QSER1: variants seen among roughly 807,000 people sequenced by gnomAD.
QSER1 encodes the protein glutamine and serine rich 1.
In QSER1, 49 loss-of-function variants were observed where a neutral mutation model predicts 158.5. That is an observed-to-expected ratio of 0.31 (90% CI 0.25 to 0.39). QSER1 has a LOEUF of 0.39. Ranked by LOEUF, QSER1 falls within the 10% of genes least tolerant of loss-of-function variation. QSER1 has a pLI of 1.00. For missense variants in QSER1, 1,754 were observed against 2,010.3 expected, an observed-to-expected ratio of 0.87 and a Z score of 2.44; for synonymous variants, 650 against 715.5, an observed-to-expected ratio of 0.91 and a Z score of 1.46.
intron 1 of QSER1, among the ~76,000 whole-genome samples, chr11:32,917,332 T>A (rs1037968653): frequency 6.6e-6 from 1 of 152,160 alleles, no homozygotes; most frequent in African/African-American, 2.4e-5. Context: ...TATGTACAAG[T>A]TTTTGTGTGA....
At chr11:32,973,786 T>C (rs1852917036) in intron 11 of QSER1, among the ~76,000 whole-genome samples, 1 of 152,208 alleles carries the variant, frequency 6.6e-6, no homozygotes. Context: ...TTGACTAATA[T>C]GGAAGAAATC....
chr11:32,975,224 C>CTA (rs1178686647), intron 11 of QSER1, 24 bp from the exon 12 acceptor site: 2 of 1,483,260 alleles, frequency 1.3e-6, no homozygotes, highest in Admixed American at 2.3e-5. Flanking sequence ...TGAAATGTAT[C>CTA]TATAAACTTT....
At chr11:32,971,273 GT>G (rs1238887883) in intron 10 of QSER1, among the ~76,000 whole-genome samples, 1 of 152,088 alleles carries the variant, frequency 6.6e-6, no homozygotes, top group Non-Finnish European at 1.5e-5. Flanking sequence ...CTGATCTGAA[GT>G]AAAATATTAC....
At chr11:32,971,888 C>T (rs1261314892) in intron 10 of QSER1, among the ~76,000 whole-genome samples, 1 of 151,942 alleles carries the variant, frequency 6.6e-6, no homozygotes, top group Non-Finnish European at 1.5e-5. Flanking sequence ...ACAGAGAAAC[C>T]CCATCTCTAC....
At chr11:32,975,601 C>T (rs1227277827) in intron 12 of QSER1, 1 of 1,279,660 alleles carries the variant, frequency 7.8e-7, no homozygotes, top group Admixed American at 3.1e-5. Context: ...GCTTGCTTTA[C>T]ATCGCCATAA....
intron 3 of QSER1, among the ~76,000 whole-genome samples, chr11:32,928,512 A>C (rs1272156134): frequency 3.3e-5 from 5 of 152,206 alleles, no homozygotes; most frequent in East Asian, 1.9e-4. Context: ...AGTTTTATAT[A>C]AAGTTATCCT....
intron 1 of QSER1, among the ~76,000 whole-genome samples, chr11:32,904,290 T>A (rs1269894580): frequency 2.6e-5 from 4 of 152,036 alleles, no homozygotes; most frequent in Non-Finnish European, 5.9e-5. Context: ...ACTCCCAGGT[T>A]CAAGCGATTC....
chr11:32,924,390 A>G (rs923545671), intron 1 of QSER1, among the ~76,000 whole-genome samples: 2 of 151,876 alleles, frequency 1.3e-5, no homozygotes, highest in African/African-American at 4.8e-5. Flanking sequence ...CAACATGGAC[A>G]AGCTTTGTCT....
intron 1 of QSER1, among the ~76,000 whole-genome samples, chr11:32,916,191 G>A (rs987258776): frequency 2.6e-5 from 4 of 152,188 alleles, no homozygotes; most frequent in South Asian, 2.1e-4. Flanking sequence ...ATGAGCCACC[G>A]CGCTCGGCTG....
At chr11:32,968,988 AT>A (rs1474288069) in intron 9 of QSER1, 57 bp from the exon 10 acceptor site, 27 of 980,790 alleles carry the variant, frequency 2.8e-5, no homozygotes, top group East Asian at 1.1e-4. Flanking sequence ...AAAAAGTTGG[AT>A]TTTTTTCAAA....
At chr11:32,902,904 T>C (rs555751320) in intron 1 of QSER1, among the ~76,000 whole-genome samples, 1 of 152,312 alleles carries the variant, frequency 6.6e-6, no homozygotes, top group East Asian at 1.9e-4. Context: ...TATTAATTTG[T>C]CCAATATCGT....
rs201661339 is a variant in QSER1, at chr11:32,934,971, T to C, written c.3713T>C (p.Ile1238Thr). Reference sequence around the variant, plus strand: ...CGCCAGAATCCAAGGGGAACAGATATTTACTTACCGTATACTCCTCCTTCC... The same window carrying C: ...CGCCAGAATCCAAGGGGAACAGATACTTACTTACCGTATACTCCTCCTTCC... ...GKRQNPRGTD[I>T]YLPYTPPSSE... The change falls in exon 4 of 13, where the codon ATT becomes ACT. Residue 1238 changes from isoleucine (I) to threonine (T), a missense_variant. By Grantham distance (89) the Ile-to-Thr change is moderately conservative. Around this residue, in one of 2 missense-constraint regions of QSER1, gnomAD observed 1,707 missense variants for 1,919.6 expected, o/e 0.89. Coordinates refer to ENST00000650167, the MANE Select transcript of QSER1 (RefSeq NM_001076786.3). 2.4e-4 allele frequency: 392 copies of C among 1,614,132 alleles called. 1 individual carries two copies. The African/African-American group carries it at 2.5e-3, about 10-fold the overall frequency.
intron 4 of QSER1, among the ~76,000 whole-genome samples, chr11:32,944,364 TG>T (rs1305596832): frequency 6.8e-6 from 1 of 147,760 alleles, no homozygotes; most frequent in African/African-American, 2.5e-5. Flanking sequence ...CTTTCTCTTG[TG>T]GGCATTTAGT....
chr11:32,932,089 A>T lies in QSER1; in HGVS notation c.831A>T (p.Gln277His). 6.2e-7 allele frequency: 1 copy of T among 1,614,060 alleles called. No homozygotes were observed. The highest frequency in any genetic ancestry group is 1.1e-5 in the South Asian group (1 of 91,082). The change falls in exon 4 of 13, where the codon CAA becomes CAT. Residue 277 changes from glutamine to histidine, a missense_variant. Around this residue, in one of 2 missense-constraint regions of QSER1, gnomAD observed 1,707 missense variants for 1,919.6 expected, o/e 0.89. Transcript: ENST00000650167. ...CTGCACCCCATCTTTTACAACCTCAATTTAGTTTGTTGCCTTCAGCACTTG... is the reference window on the plus strand; with the variant it reads ...CTGCACCCCATCTTTTACAACCTCATTTTAGTTTGTTGCCTTCAGCACTTG... ...QESAPHLLQP[Q>H]FSLLPSALGG...
At chr11:32,902,262 C>A (rs1275074814) in intron 1 of QSER1, among the ~76,000 whole-genome samples, 1 of 152,160 alleles carries the variant, frequency 6.6e-6, no homozygotes, top group East Asian at 1.9e-4. Flanking sequence ...CTGGCAGTTC[C>A]CTTCCCTGGC....
At chr11:32,913,251 C>G (rs1419926878) in intron 1 of QSER1, among the ~76,000 whole-genome samples, 1 of 129,912 alleles carries the variant, frequency 7.7e-6, no homozygotes, top group Non-Finnish European at 1.6e-5. Context: ...AGTGCCGTGG[C>G]GCGATCTCGG....
At chr11:32,945,606 G>A (rs1411180121) in intron 4 of QSER1, among the ~76,000 whole-genome samples, 4 of 152,082 alleles carry the variant, frequency 2.6e-5, no homozygotes, top group East Asian at 3.9e-4. Flanking sequence ...CGAGAGATCC[G>A]CTGTTAGTCT....
rs370851141 is a variant in QSER1, at chr11:32,923,830, T to C, written c.210-3327T>C. ...TAAAATATAAAAAATTAGCCGGGTG[T>C]GATGGCGGGTGCCTGTAGTCCCAGC... On this transcript the variant is annotated intron_variant, in intron 1 of 12. Transcript: ENST00000650167. 3.1e-4 allele frequency among the ~76,000 whole-genome samples: 47 copies of C among 150,486 alleles called. No homozygotes were observed. In the East Asian group the frequency reaches 6.8e-3, roughly 22 times the overall value.
In QSER1 at chr11:32,934,308, C is replaced by T; in HGVS notation, c.3050C>T (p.Ser1017Phe). The T allele has an allele frequency of 3.7e-6, 6 of 1,613,974 alleles. No homozygotes were observed. The highest frequency in any genetic ancestry group is 5.1e-6 in the Non-Finnish European group (6 of 1,179,976). ...GCTGTTGAAGATGGTGATTCTAAAT[C>T]TCATTTTCAGCAGTCATTAGATGTC... is the stretch of plus-strand genomic sequence containing the variant. ...MQAVEDGDSK[S>F]HFQQSLDVRH... The change falls in exon 4 of 13, where the codon TCT (serine) becomes TTT (phenylalanine). Residue 1017 changes from serine (S) to phenylalanine (F), a missense_variant. Ser to Phe is a radical substitution (Grantham distance 155). Around this residue, in one of 2 missense-constraint regions of QSER1, gnomAD observed 1,707 missense variants for 1,919.6 expected, o/e 0.89. Coordinates refer to ENST00000650167, the MANE Select transcript of QSER1 (RefSeq NM_001076786.3).
Sources: gnomAD v4.1 joint callset for allele counts (sites outside exome capture counted in the v4.1 genomes callset) on GRCh38, gnomAD v4.1.1 for gene constraint, gnomAD v4.1.1 regional missense constraint, MANE v1.5 for transcripts, NCBI Gene and HGNC (gene_info 2026-07-23, HGNC 2026-07-21) for gene names.